DSG2: variants seen among roughly 807,000 people sequenced by gnomAD.
DSG2 encodes the protein desmoglein 2.
In DSG2, 45 loss-of-function variants were observed where a neutral mutation model predicts 75.6. The ratio of observed to expected loss-of-function variants is 0.60; its 90% CI spans 0.47 to 0.76. DSG2 has a LOEUF of 0.76. Among genes scored for constraint, DSG2 ranks in the 30% least tolerant of loss-of-function variants. The pLI, the probability that DSG2 is intolerant of heterozygous loss-of-function variation, is 0.00. For missense variants in DSG2, 1,267 were observed against 1,357.4 expected (o/e 0.93, Z 1.05); for synonymous variants, 429 against 483.9 (o/e 0.89, Z 1.49).
intron 10 of DSG2, 101 bp downstream of exon 10, chr18:31,535,513 C>A: frequency 8.8e-7 from 1 of 1,135,586 alleles, no homozygotes; most frequent in South Asian, 1.4e-5. Context: ...AACCTAATCT[C>A]GGCCGGGAGC....
chr18:31,511,122 C>T (rs1458750713), intron 1 of DSG2, among the ~76,000 whole-genome samples: 1 of 152,210 alleles, frequency 6.6e-6, no homozygotes, highest in African/African-American at 2.4e-5. Flanking sequence ...TCCTCTGCAG[C>T]TTGTATTACT....
At chr18:31,501,187 G>A (rs982043015) in intron 1 of DSG2, among the ~76,000 whole-genome samples, 1 of 152,112 alleles carries the variant, frequency 6.6e-6, no homozygotes, top group African/African-American at 2.4e-5. Flanking sequence ...ATAATCCCCT[G>A]TATTTTATTT....
At chr18:31,502,157 CAT>C (rs1162645735) in intron 1 of DSG2, among the ~76,000 whole-genome samples, 6 of 152,098 alleles carry the variant, frequency 3.9e-5, no homozygotes, top group Non-Finnish European at 8.8e-5. Context: ...TATGAGCATT[CAT>C]TGGCCTACGT....
chr18:31,545,760 G>GCCAAA lies in DSG2; in HGVS notation c.2375_2379dup (p.Asp794ProfsTer16), dbSNP rs773328409. The GCCAAA allele has an allele frequency of 3.7e-6, 6 of 1,614,094 alleles. No homozygotes were observed. The highest frequency in any genetic ancestry group is 1.3e-5 in the African/African-American group (1 of 75,048). On this transcript the variant is annotated frameshift_variant, in exon 15 of 15. Coordinates refer to ENST00000261590, the MANE Select transcript of DSG2 (RefSeq NM_001943.5). LOFTEE classifies it low-confidence loss of function (END_TRUNC). ...CACTGAGGAAGATGAAAATCACACA[G>GCCAAA]CCAAAGATTGCCTTCTGGTTTATTC... is the stretch of plus-strand genomic sequence containing the variant.
rs199950205 is a variant in DSG2, at chr18:31,538,230, AT to A, written c.1652-513del. 4.7e-3 allele frequency among the ~76,000 whole-genome samples: 709 copies of A among 152,116 alleles called. 7 individuals are homozygous for A. The highest frequency in any genetic ancestry group is 0.016 in the African/African-American group (669 of 41,500). On this transcript the variant is annotated intron_variant, in intron 11 of 14. Transcript: ENST00000261590. ...TCTTTCAACTTTTCTGTAGGTTTGA[AT>A]TTTTTTTCCATTTTGAATGTATATA...
chr18:31,538,713 C>T (rs1390061956), intron 11 of DSG2, 38 bp from the exon 12 acceptor site: 1 of 1,523,822 alleles, frequency 6.6e-7, no homozygotes, highest in African/African-American at 1.4e-5. Context: ...CCTTGGTAAT[C>T]GTTCGTTTTT....
intron 1 of DSG2, among the ~76,000 whole-genome samples, chr18:31,509,381 T>C (rs2073055029): frequency 6.6e-6 from 1 of 152,192 alleles, no homozygotes; most frequent in African/African-American, 2.4e-5. Flanking sequence ...TATTTATTAT[T>C]ATCTAAAGTT....
rs1170743302 is a variant in DSG2, at chr18:31,513,236, T to G, written c.46-5003T>G. On this transcript the variant is annotated intron_variant, in intron 1 of 14. Transcript: ENST00000261590. ...ACGATTCTGTAACTTAAAGCCTTTA[T>G]GGTTTCAGTTTGGCTTCTCTAGCAT... Among the ~76,000 whole-genome samples, 5 of 152,356 alleles carry G rather than the reference T, an allele frequency of 3.3e-5. No individual in the cohort carries two copies. In the South Asian group the frequency reaches 1.0e-3, roughly 32 times the overall value.
chr18:31,521,364 TAAGAAAGCAGTTCAG>T (rs1484163426), intron 5 of DSG2, 121 bp downstream of exon 5: 23 of 1,093,230 alleles, frequency 2.1e-5, no homozygotes, highest in Non-Finnish European at 2.1e-5. Context: ...GAACAAATGA[TAAGAAAGCAGTTCAG>T]AACTGCTTTC....
chr18:31,532,506 G>A (rs1220851795), intron 9 of DSG2, among the ~76,000 whole-genome samples: 1 of 152,212 alleles, frequency 6.6e-6, no homozygotes, highest in African/African-American at 2.4e-5. Context: ...GCATCGCCAA[G>A]TGTAGCAAGA....
At chr18:31,534,395 AT>A (rs1215806356) in intron 9 of DSG2, among the ~76,000 whole-genome samples, 8 of 151,966 alleles carry the variant, frequency 5.3e-5, no homozygotes, top group Non-Finnish European at 1.2e-4. Flanking sequence ...CCCAGAAACG[AT>A]TTTATCGGCA....
At chr18:31,503,700 A>G (rs1221612199) in intron 1 of DSG2, among the ~76,000 whole-genome samples, 2 of 152,316 alleles carry the variant, frequency 1.3e-5, no homozygotes, top group African/African-American at 4.8e-5. Context: ...ACAGGCATTG[A>G]GGACTTGGTA....
In DSG2 at chr18:31,505,899, C is replaced by T. The variant is rs184171652; in HGVS notation, c.45+7603C>T. Among the ~76,000 whole-genome samples, 1,327 of 152,122 alleles carry T rather than the reference C, an allele frequency of 8.7e-3. 23 individuals carry two copies. Among genetic ancestry groups the T allele is most frequent in the African/African-American group, 0.031 (1,275 of 41,504 alleles). The stretch of plus-strand genomic sequence containing the variant: ...ATGGTCTTGGTCTCTTGACCTGGCC[C>T]GCCTCAGCCTCCCAAAGTGCTGGGA... On this transcript the variant is annotated intron_variant, in intron 1 of 14. Transcript: ENST00000261590.
chr18:31,525,423 G>T (rs2073157580), intron 8 of DSG2, among the ~76,000 whole-genome samples: 1 of 152,042 alleles, frequency 6.6e-6, no homozygotes, highest in Admixed American at 6.5e-5. Flanking sequence ...AGAGGCTTAG[G>T]TGAGAGGATA....
chr18:31,524,712 A>T lies in DSG2; in HGVS notation c.838A>T (p.Met280Leu). Reference sequence around the variant, plus strand: ...TGTTCATGTTTTGCAGCTTGAAGGGATGGTTGAAGAAAATCAAGTCAACGT... The same window carrying T: ...TGTTCATGTTTTGCAGCTTGAAGGGTTGGTTGAAGAAAATCAAGTCAACGT... The part of the protein sequence containing the change: ...PVVENKVLEG[M>L]VEENQVNVEV... The change falls in exon 8 of 15, where the codon ATG (methionine) becomes TTG (leucine). Residue 280 changes from methionine (M) to leucine (L), a missense_variant. By Grantham distance (15) the Met-to-Leu change is conservative. Coordinates refer to ENST00000261590, the MANE Select transcript of DSG2 (RefSeq NM_001943.5). The T allele has an allele frequency of 6.2e-7, 1 of 1,614,024 alleles. No homozygotes were observed.
intron 2 of DSG2, 61 bp from the exon 3 acceptor site, chr18:31,519,742 G>A: frequency 6.5e-7 from 1 of 1,550,002 alleles, no homozygotes; most frequent in Non-Finnish European, 8.9e-7. Flanking sequence ...TTATAGGACA[G>A]CATACTAATG....
rs375595872 is a variant in DSG2, at chr18:31,542,597, A to C, written c.2079A>C (p.Glu693Asp). 116 of 1,614,034 alleles carry C rather than the reference A, an allele frequency of 7.2e-5. No individual in the cohort carries two copies. The highest frequency in any genetic ancestry group is 9.4e-5 in the Non-Finnish European group (111 of 1,180,034). The part of the protein sequence containing the change: ...GRNGVGGMAK[E>D]ATMKGSSSAS... ...ATGGAGTAGGAGGTATGGCCAAGGA[A>C]GCCACGATGAAAGGAAGTAGCTCTG... is the stretch of plus-strand genomic sequence containing the variant. The change falls in exon 14 of 15, where the codon GAA (glutamate) becomes GAC (aspartate). Residue 693 changes from glutamate to aspartate, a missense_variant. Coordinates refer to ENST00000261590, the MANE Select transcript of DSG2 (RefSeq NM_001943.5).
At chr18:31,515,970 AGGC>A (rs2073092052) in intron 1 of DSG2, among the ~76,000 whole-genome samples, 2 of 152,228 alleles carry the variant, frequency 1.3e-5, no homozygotes, top group Admixed American at 1.3e-4. Flanking sequence ...AGATGGGAAA[AGGC>A]AAACAACTGA....
intron 9 of DSG2, among the ~76,000 whole-genome samples, chr18:31,534,943 A>T (rs147973204): frequency 2.6e-5 from 4 of 152,330 alleles, no homozygotes; most frequent in South Asian, 2.1e-4. Flanking sequence ...GTTTAACCCA[A>T]CTTTAAGGGA....
Sources: gnomAD v4.1 joint callset for allele counts (sites outside exome capture counted in the v4.1 genomes callset) on GRCh38, gnomAD v4.1.1 for gene constraint, MANE v1.5 for transcripts, NCBI Gene and HGNC (gene_info 2026-07-23, HGNC 2026-07-21) for gene names.